Variants in MYLK observed in about 807,000 individuals in gnomAD.
MYLK encodes myosin light chain kinase, smooth muscle.
In MYLK, 106 loss-of-function variants were observed where a neutral mutation model predicts 203.4. That is an observed-to-expected ratio of 0.52 (90% CI 0.45 to 0.61). The LOEUF is 0.61. Ranked by LOEUF, MYLK falls within the 20% of genes least tolerant of loss-of-function variation. MYLK has a pLI of 0.00. For missense variants in MYLK, 2,072 were observed against 2,442.3 expected, an observed-to-expected ratio of 0.85 and a Z score of 3.20; for synonymous variants, 867 against 959.5, an observed-to-expected ratio of 0.90 and a Z score of 1.78.
intron 27 of MYLK, among the ~76,000 whole-genome samples, chr3:123,643,830 C>A (rs1017829495): frequency 3.0e-4 from 46 of 152,250 alleles, no homozygotes; most frequent in African/African-American, 9.9e-4. Context: ...TGCCCTATGG[C>A]AGCCAGCTGG....
chr3:123,756,054 G>A (rs934064780), intron 4 of MYLK, among the ~76,000 whole-genome samples: 5 of 152,168 alleles, frequency 3.3e-5, no homozygotes, highest in Non-Finnish European at 5.9e-5. Context: ...ATGTAGCCTA[G>A]AAAAGAGGCC....
At chr3:123,784,376 CTTTTTTTTT>C (rs576849217) in intron 4 of MYLK, among the ~76,000 whole-genome samples, 6 of 78,694 alleles carry the variant, frequency 7.6e-5, no homozygotes, top group South Asian at 4.6e-4. Flanking sequence ...GGTTGACTTT[CTTTTTTTTT>C]TTTTTTTTTT....
chr3:123,807,965 A>G (rs1364019708), intron 3 of MYLK, among the ~76,000 whole-genome samples: 1 of 152,188 alleles, frequency 6.6e-6, no homozygotes, highest in East Asian at 1.9e-4. Flanking sequence ...CTCCTGAGAT[A>G]TGAGGGCTCC....
chr3:123,691,318 G>A (rs1168549599), intron 19 of MYLK: 1 of 152,210 alleles, frequency 6.6e-6, no homozygotes, highest in Non-Finnish European at 1.5e-5. Flanking sequence ...GGAGTCATCA[G>A]CCACAGCATC....
chr3:123,620,454 G>T (rs747903270), intron 31 of MYLK, 118 bp from the exon 32 acceptor site: 151 of 1,588,266 alleles, frequency 9.5e-5, no homozygotes, highest in Non-Finnish European at 1.1e-4. Flanking sequence ...CTGGAACAAG[G>T]ACCTCCTGAG....
chr3:123,799,287 C>T (rs1341540006), intron 3 of MYLK, among the ~76,000 whole-genome samples: 2 of 150,564 alleles, frequency 1.3e-5, no homozygotes, highest in Admixed American at 6.7e-5. Flanking sequence ...ATTGAGTTAA[C>T]TGGACTTTAA....
In MYLK at chr3:123,667,194, CAAA is replaced by C. The variant is rs576620371; in HGVS notation, c.3653-10_3653-8del. On this transcript the variant is annotated splice_polypyrimidine_tract_variant and splice_region_variant and intron_variant, in intron 20 of 33. Transcript: ENST00000360304. ...TTTTTCACAGTCGCATCACCTGAAA[CAAA>C]GAAGTTCACAAGTTATTTCCTGTAG... 3.5e-4 allele frequency: 564 copies of C among 1,614,020 alleles called. 1 individual carries two copies. The highest frequency in any genetic ancestry group is 7.7e-4 in the Admixed American group (46 of 60,020).
intron 3 of MYLK, among the ~76,000 whole-genome samples, chr3:123,812,226 G>A (rs1356518446): frequency 6.6e-6 from 1 of 152,116 alleles, no homozygotes; most frequent in Non-Finnish European, 1.5e-5. Context: ...TCTGCTTCTG[G>A]GCTCAAGAGA....
intron 3 of MYLK, among the ~76,000 whole-genome samples, chr3:123,814,594 C>T (rs1428854060): frequency 6.6e-6 from 1 of 152,072 alleles, no homozygotes; most frequent in Non-Finnish European, 1.5e-5. Flanking sequence ...ATTATATATA[C>T]AAATTATCAT....
chr3:123,633,464 C>T (rs1184604419), intron 29 of MYLK, among the ~76,000 whole-genome samples: 1 of 152,170 alleles, frequency 6.6e-6, no homozygotes, highest in Non-Finnish European at 1.5e-5. Context: ...ATCAACCGGT[C>T]AACAAATAAT....
rs143467796 is a variant in MYLK at position 123,618,854 on chromosome 3, A to C, written c.5369-84T>G. On this transcript the variant is annotated intron_variant, in intron 32 of 33. Transcript: ENST00000360304. ...TAGCTTAAAGAAACTAACTTTTAAAAAAGTTGCTATGATTTAGCAAAGAAG... is the reference window on the plus strand; with the variant it reads ...TAGCTTAAAGAAACTAACTTTTAAACAAGTTGCTATGATTTAGCAAAGAAG... 11 of 1,577,848 alleles carry C rather than the reference A, an allele frequency of 7.0e-6. No individual in the cohort carries two copies. In the Admixed American group the frequency reaches 1.9e-4, roughly 27 times the overall value.
At chr3:123,812,763 C>T (rs768280295) in intron 3 of MYLK, among the ~76,000 whole-genome samples, 5 of 152,210 alleles carry the variant, frequency 3.3e-5, no homozygotes, top group African/African-American at 7.2e-5. Context: ...ACGGCTTCTC[C>T]GTTGACTGGG....
intron 33 of MYLK, among the ~76,000 whole-genome samples, chr3:123,614,663 C>T (rs767386149): frequency 6.6e-6 from 1 of 152,184 alleles, no homozygotes; most frequent in Non-Finnish European, 1.5e-5. Flanking sequence ...GAGTCTCACT[C>T]TGTTGCCTAG....
rs1301618389 is a variant in MYLK, at chr3:123,640,600, T to C, written c.4620-96A>G. The C allele has an allele frequency of 7.4e-6, 10 of 1,348,718 alleles. No individual in the cohort carries two copies. The highest frequency in any genetic ancestry group is 1.2e-5 in the South Asian group (1 of 84,172). 83.5% of individuals were successfully genotyped at this position (1,348,718 alleles called of 1,614,324 possible). A position where few individuals can be genotyped will look rare whatever the true frequency, so the allele number is the denominator to read the frequency against. On this transcript the variant is annotated intron_variant, in intron 27 of 33. Coordinates refer to ENST00000360304, the MANE Select transcript of MYLK (RefSeq NM_053025.4). This position sits in a 1 kb window ranked among gnomAD's most constrained non-coding sequence, Gnocchi z 4.3. The stretch of plus-strand genomic sequence containing the variant: ...AGGGTAGGCTGGGGGTAGGAGAAAT[T>C]GGCAGGAAAGCCCAGGGAATGGGGG...
At chr3:123,817,160 T>C (rs2065777305) in intron 3 of MYLK, among the ~76,000 whole-genome samples, 1 of 152,206 alleles carries the variant, frequency 6.6e-6, no homozygotes, top group Non-Finnish European at 1.5e-5. Flanking sequence ...AGGATATTTT[T>C]AGTTTCTCCT....
intron 3 of MYLK, among the ~76,000 whole-genome samples, chr3:123,803,084 C>G (rs866484020): frequency 1.3e-5 from 2 of 152,184 alleles, no homozygotes; most frequent in Admixed American, 6.5e-5. Flanking sequence ...ACTCAGGGAA[C>G]AAGAACCGAG....
At chr3:123,650,054 C>T (rs1221116222) in intron 24 of MYLK, among the ~76,000 whole-genome samples, 2 of 152,150 alleles carry the variant, frequency 1.3e-5, no homozygotes, top group African/African-American at 4.8e-5. Flanking sequence ...AGGAGGGGTT[C>T]CCCGGAACAG....
rs79599746 is a variant in MYLK, at chr3:123,677,449, G to A, written c.3652+4775C>T. On this transcript the variant is annotated intron_variant, in intron 20 of 33. Coordinates refer to ENST00000360304, the MANE Select transcript of MYLK (RefSeq NM_053025.4). ...GCTGCCCCAGAACTGATCATAGTAA[G>A]TTGGCACCTGGAGTCCGACAGGAGT... 3.3e-3 allele frequency among the ~76,000 whole-genome samples: 497 copies of A among 152,172 alleles called. 4 individuals are homozygous for A. The highest frequency in any genetic ancestry group is 0.014 in the Middle Eastern group (4 of 294).
chr3:123,618,419 C>T (rs1160323939), intron 33 of MYLK: 2 of 556,874 alleles, frequency 3.6e-6, no homozygotes, highest in South Asian at 4.0e-5. Flanking sequence ...TTCAAATGTG[C>T]CCCCTGGGGA....
Sources: gnomAD v4.1 joint callset for allele counts (sites outside exome capture counted in the v4.1 genomes callset) on GRCh38, gnomAD v4.1.1 for gene constraint, Gnocchi (gnomAD v3.1) non-coding constraint, MANE v1.5 for transcripts, NCBI Gene and HGNC (gene_info 2026-07-23, HGNC 2026-07-21) for gene names.